The following AGBL4 variants were observed in gnomAD, a reference collection of about 807,000 sequenced individuals.
AGBL4 encodes AGBL carboxypeptidase 4, also known as cytosolic carboxypeptidase 6.
A neutral mutation model predicts 66.4 loss-of-function variants in AGBL4; 58 were observed. That is an observed-to-expected ratio of 0.87 (90% CI 0.71 to 1.09). The LOEUF is 1.09. Ranked by LOEUF, AGBL4 falls within the 50% of genes least tolerant of loss-of-function variation. The pLI, the probability that AGBL4 is intolerant of heterozygous loss-of-function variation, is 0.00. For missense variants in AGBL4, 579 were observed against 631.0 expected, an observed-to-expected ratio of 0.92 and a Z score of 0.88; for synonymous variants, 234 against 222.9, an observed-to-expected ratio of 1.05 and a Z score of -0.44.
intron 2 of AGBL4, among the ~76,000 whole-genome samples, chr1:49,831,380 G>T (rs1645672886): frequency 6.6e-6 from 1 of 152,090 alleles, no homozygotes; most frequent in South Asian, 2.1e-4. Flanking sequence ...ATTGTGAATG[G>T]GAGTTCACTT....
chr1:49,710,290 G>A (rs1453248035), intron 2 of AGBL4, among the ~76,000 whole-genome samples: 1 of 152,238 alleles, frequency 6.6e-6, no homozygotes, highest in East Asian at 1.9e-4. Flanking sequence ...TCCTTTGAAG[G>A]GACATGTATG....
intron 3 of AGBL4, among the ~76,000 whole-genome samples, chr1:49,656,705 C>G (rs554424947): frequency 6.6e-6 from 1 of 152,128 alleles, no homozygotes; most frequent in Non-Finnish European, 1.5e-5. Flanking sequence ...GTTCATCATA[C>G]GCAAATCAAT....
At chr1:49,731,076 A>T (rs1029766813) in intron 2 of AGBL4, among the ~76,000 whole-genome samples, 1 of 152,114 alleles carries the variant, frequency 6.6e-6, no homozygotes, top group Non-Finnish European at 1.5e-5. Flanking sequence ...TCAGACACAG[A>T]TGAAAGACAG....
At chr1:49,575,556 A>T (rs1339527874) in intron 3 of AGBL4, among the ~76,000 whole-genome samples, 2 of 152,208 alleles carry the variant, frequency 1.3e-5, no homozygotes, top group Non-Finnish European at 2.9e-5. Context: ...TTTCTACCAC[A>T]TCCCCATTCA....
chr1:48,800,256 A>G (rs1450037436), intron 6 of AGBL4, among the ~76,000 whole-genome samples: 2 of 152,080 alleles, frequency 1.3e-5, no homozygotes, highest in African/African-American at 4.8e-5. Flanking sequence ...GAATTTATCC[A>G]TCTCCTCTAG....
intron 5 of AGBL4, among the ~76,000 whole-genome samples, chr1:48,873,747 A>T (rs1202039173): frequency 1.3e-5 from 2 of 152,094 alleles, no homozygotes; most frequent in African/African-American, 4.8e-5. Context: ...AAACTCATGC[A>T]CTACCCCCAT....
intron 3 of AGBL4, among the ~76,000 whole-genome samples, chr1:49,435,704 C>T (rs919531249): frequency 2.6e-5 from 4 of 152,192 alleles, no homozygotes; most frequent in Non-Finnish European, 5.9e-5. Flanking sequence ...AGAACAAAAA[C>T]TCTGGGTTAT....
intron 1 of AGBL4, among the ~76,000 whole-genome samples, chr1:49,933,094 C>A (rs1020244819): frequency 7.2e-5 from 11 of 151,970 alleles, no homozygotes; most frequent in African/African-American, 2.4e-4. Context: ...ACAGGATGAA[C>A]CCCAGGAATT....
intron 4 of AGBL4, among the ~76,000 whole-genome samples, chr1:49,186,328 A>G (rs1043617154): frequency 2.0e-5 from 3 of 152,188 alleles, no homozygotes; most frequent in Admixed American, 2.0e-4. Context: ...TCCTCCAACA[A>G]TGGGAAAATA....
chr1:49,686,411 G>A (rs748476107), intron 3 of AGBL4, among the ~76,000 whole-genome samples: 42 of 152,184 alleles, frequency 2.8e-4, no homozygotes, highest in Non-Finnish European at 6.0e-4. Context: ...GCTAAAGCAT[G>A]CAGCCCAGGA....
intron 5 of AGBL4, among the ~76,000 whole-genome samples, chr1:48,973,503 G>C (rs1347336680): frequency 6.6e-6 from 1 of 152,148 alleles, no homozygotes; most frequent in Non-Finnish European, 1.5e-5. Flanking sequence ...AAAGAAAACA[G>C]TTAGTGGCCT....
chr1:49,947,999 A>AATATATATTT (rs1557607515), intron 1 of AGBL4, among the ~76,000 whole-genome samples: 42 of 33,028 alleles, frequency 1.3e-3, no homozygotes, highest in African/African-American at 2.9e-3. Flanking sequence ...TATATATATA[A>AATATATATTT]ATATATATAA....
Position 49,516,552 on chromosome 1 carries a change from A to C in AGBL4, c.282+180761T>G, listed in dbSNP as rs929546677. Among the ~76,000 whole-genome samples, 2 of 152,062 alleles carry C rather than the reference A, an allele frequency of 1.3e-5. 1 individual carries two copies. Among genetic ancestry groups the C allele is most frequent in the Non-Finnish European group, 2.9e-5 (2 of 67,992 alleles). ...AAGAGGCAAGGTGGGGAAAAGGAAA[A>C]GAAGAAATCAGGGACAGATACTGAA... On this transcript the variant is annotated intron_variant, in intron 3 of 13. Transcript: ENST00000371839.
chr1:49,147,834 G>C (rs147277680), intron 4 of AGBL4, among the ~76,000 whole-genome samples: 2 of 151,078 alleles, frequency 1.3e-5, no homozygotes, highest in African/African-American at 2.5e-5. Context: ...GGGAAGGAGA[G>C]GGGGGGTGAC....
intron 3 of AGBL4, among the ~76,000 whole-genome samples, chr1:49,676,950 T>C (rs1255192638): frequency 6.6e-6 from 1 of 152,102 alleles, no homozygotes; most frequent in Admixed American, 6.6e-5. Flanking sequence ...GCCTAGTATA[T>C]TGAGTGATAT....
chr1:49,065,513 G>C (rs1192421801), intron 4 of AGBL4, among the ~76,000 whole-genome samples: 1 of 152,220 alleles, frequency 6.6e-6, no homozygotes, highest in Non-Finnish European at 1.5e-5. Flanking sequence ...GGAATAATTG[G>C]TGAGAAGTCT....
chr1:48,628,205 G>A (rs933574019), intron 9 of AGBL4, among the ~76,000 whole-genome samples: 3 of 152,176 alleles, frequency 2.0e-5, no homozygotes, highest in Admixed American at 2.0e-4. Context: ...CAGAAGTAAT[G>A]CAGGCCCACT....
chr1:49,351,953 G>A (rs1325201448), intron 3 of AGBL4, among the ~76,000 whole-genome samples: 1 of 152,180 alleles, frequency 6.6e-6, no homozygotes, highest in Non-Finnish European at 1.5e-5. Context: ...TTCCTGCAAA[G>A]AGTATTTGTG....
At chr1:49,248,205 C>T (rs528148702) in intron 3 of AGBL4, among the ~76,000 whole-genome samples, 12 of 152,168 alleles carry the variant, frequency 7.9e-5, no homozygotes, top group South Asian at 4.1e-4. Flanking sequence ...ATGGTAACCA[C>T]GAAAATAATA....
Sources: allele counts gnomAD v4.1 joint callset (sites outside exome capture counted in the v4.1 genomes callset), GRCh38; gene constraint gnomAD v4.1.1; transcripts MANE v1.5; gene names NCBI Gene and HGNC (gene_info 2026-07-23, HGNC 2026-07-21).